CLMN: variants seen among roughly 807,000 people sequenced by gnomAD.
The protein encoded by CLMN is calmin.
Under a neutral mutation model 92.7 loss-of-function variants are expected in CLMN, and 57 were observed. That is an observed-to-expected ratio of 0.61 (90% confidence interval 0.50 to 0.77). CLMN has a LOEUF of 0.77. Ranked by LOEUF, CLMN falls within the 30% of genes least tolerant of loss-of-function variation. The pLI is 0.00. For missense variants in CLMN, 1,158 were observed against 1,237.5 expected (o/e 0.94, Z 0.96); for synonymous variants, 466 against 470.6 (o/e 0.99, Z 0.13).
intron 2 of CLMN, among the ~76,000 whole-genome samples, chr14:95,229,160 A>G (rs543089525): frequency 6.6e-6 from 1 of 152,216 alleles, no homozygotes; most frequent in African/African-American, 2.4e-5. Context: ...GAGAAAAATA[A>G]TCTCTCCTCT....
In CLMN at chr14:95,203,913, G is replaced by A. The variant is rs368240140; in HGVS notation, c.1436C>T (p.Ser479Leu). 5.6e-6 allele frequency: 9 copies of A among 1,613,704 alleles called. No individual in the cohort carries two copies. The highest frequency in any genetic ancestry group is 4.0e-5 in the African/African-American group (3 of 74,906). ...GTCAGAGGAGGATTCTGGAATCTTC[G>A]AGGATTCCTGTTTCTGTTCCTTTTC... Reference protein sequence around the residue: ...AEEKEQKQESSKIPESSSDKV... With the variant: ...AEEKEQKQESLKIPESSSDKV... Residue 479 changes from serine to leucine, a missense_variant, in exon 9 of 13, where the codon TCG (serine) becomes TTG (leucine). Physicochemically the swap from Ser to Leu is moderately radical, Grantham distance 145 (BLOSUM62 -2). Coordinates refer to ENST00000298912, the MANE Select transcript of CLMN (RefSeq NM_024734.4).
chr14:95,266,865 T>G (rs1899494355), intron 1 of CLMN, among the ~76,000 whole-genome samples: 1 of 151,970 alleles, frequency 6.6e-6, no homozygotes, highest in Admixed American at 6.6e-5. Context: ...TGAAACAGAA[T>G]AGAGAACCCA....
rs1463119840 is a variant in CLMN at position 95,294,480 on chromosome 14, T to C, written c.82+25231A>G. Among the ~76,000 whole-genome samples, 1 of 152,176 alleles carries C rather than the reference T, an allele frequency of 6.6e-6. No individual in the cohort carries two copies. The highest frequency in any genetic ancestry group is 2.4e-5 in the African/African-American group (1 of 41,440). On this transcript the variant is annotated intron_variant, in intron 1 of 12. Transcript: ENST00000298912. This position sits in a 1 kb window ranked among gnomAD's most constrained non-coding sequence, Gnocchi z 4.2. ...AAGAGGCATCCGCGGGGAAGGATCCTGTCCAACAGAAAGGCCCTGGAGACA... is the reference window on the plus strand; with the variant it reads ...AAGAGGCATCCGCGGGGAAGGATCCCGTCCAACAGAAAGGCCCTGGAGACA...
chr14:95,312,948 G>A (rs1332727008), intron 1 of CLMN, among the ~76,000 whole-genome samples: 2 of 152,206 alleles, frequency 1.3e-5, no homozygotes, highest in Non-Finnish European at 2.9e-5. Flanking sequence ...GCTCACACCT[G>A]TAATCCCAGT....
chr14:95,187,957 A>G lies in CLMN; in HGVS notation c.*3607T>C, dbSNP rs1430639665. ...GATGGGACACCATTTTTGAAACCAC[A>G]TGAGTACTCAGCATAGGCTAAAAGC... On this transcript the variant is annotated 3_prime_UTR_variant, in exon 13 of 13. Transcript: ENST00000298912. The G allele has an allele frequency of 1.3e-5, 2 of 152,238 alleles. No homozygotes were observed. Among genetic ancestry groups the G allele is most frequent in the African/African-American group, 4.8e-5 (2 of 41,466 alleles). 9.4% of individuals were successfully genotyped at this position (152,238 alleles called of 1,614,324 possible). A position where few individuals can be genotyped will look rare whatever the true frequency, so the allele number is the denominator to read the frequency against.
At chr14:95,266,668 T>C (rs1899486526) in intron 1 of CLMN, among the ~76,000 whole-genome samples, 1 of 152,194 alleles carries the variant, frequency 6.6e-6, no homozygotes, top group Non-Finnish European at 1.5e-5. Context: ...ACCAATGACT[T>C]TCTTCATGGA....
chr14:95,305,101 C>T (rs1022259624), intron 1 of CLMN, among the ~76,000 whole-genome samples: 4 of 152,230 alleles, frequency 2.6e-5, no homozygotes, highest in African/African-American at 9.6e-5. Flanking sequence ...AAAGGGTGCA[C>T]AGGTCCATCA....
At chr14:95,229,657 T>C (rs1306706385) in intron 2 of CLMN, among the ~76,000 whole-genome samples, 4 of 152,072 alleles carry the variant, frequency 2.6e-5, no homozygotes, top group South Asian at 4.1e-4. Flanking sequence ...ATTATTATTA[T>C]TAAATAGCAA....
intron 1 of CLMN, among the ~76,000 whole-genome samples, chr14:95,317,509 G>C (rs969407260): frequency 6.6e-6 from 1 of 152,112 alleles, no homozygotes; most frequent in Non-Finnish European, 1.5e-5. Context: ...ATCAAACAGC[G>C]GGGCATCCAT....
At chr14:95,192,234 C>A (rs533439931) in intron 12 of CLMN, 1 of 152,690 alleles carries the variant, frequency 6.5e-6, no homozygotes, top group South Asian at 2.1e-4. Context: ...CATTTTAAAT[C>A]ATCTATCAGA....
Position 95,186,806 on chromosome 14 carries a change from C to T in CLMN, c.*4758G>A, listed in dbSNP as rs1896451456. The T allele has an allele frequency of 6.6e-6, 1 of 152,312 alleles. No individual in the cohort carries two copies. The highest frequency in any genetic ancestry group is 6.5e-5 in the Admixed American group (1 of 15,286). The allele number at this position is 152,312 out of a possible 1,614,324, so 9.4% of individuals were successfully genotyped here. ...GAATTCCTGGCCTCAAGCGATCCTC[C>T]TGCCTTGGCCTCCCAAAGGGCTGGG... is the stretch of plus-strand genomic sequence containing the variant. On this transcript the variant is annotated 3_prime_UTR_variant, in exon 13 of 13. Transcript: ENST00000298912.
intron 1 of CLMN, among the ~76,000 whole-genome samples, chr14:95,287,261 C>A (rs1313070338): frequency 6.6e-6 from 1 of 152,228 alleles, no homozygotes; most frequent in African/African-American, 2.4e-5. Context: ...TGTGCACAAA[C>A]CCTCTGTCTG....
intron 12 of CLMN, chr14:95,192,570 G>A (rs1335493505): frequency 6.6e-6 from 1 of 152,152 alleles, no homozygotes; most frequent in East Asian, 1.9e-4. Context: ...CAGGAGCGAG[G>A]GGCAGGGTGG....
At chr14:95,212,316 C>T (rs1897221827) in intron 6 of CLMN, among the ~76,000 whole-genome samples, 1 of 152,322 alleles carries the variant, frequency 6.6e-6, no homozygotes, top group East Asian at 1.9e-4. Context: ...ACCAGGATCT[C>T]AACCAGTCTG....
intron 8 of CLMN, among the ~76,000 whole-genome samples, chr14:95,207,239 A>G (rs1897070937): frequency 6.6e-6 from 1 of 152,190 alleles, no homozygotes; most frequent in African/African-American, 2.4e-5. Flanking sequence ...AACAGTTAAA[A>G]TCTTCTCTTT....
chr14:95,319,137 A>G (rs1215163337), intron 1 of CLMN, among the ~76,000 whole-genome samples: 1 of 152,126 alleles, frequency 6.6e-6, no homozygotes, highest in Non-Finnish European at 1.5e-5. Context: ...CTGATCCTGC[A>G]GGGGAGGGGC....
At chr14:95,273,369 G>A (rs1422220348) in intron 1 of CLMN, among the ~76,000 whole-genome samples, 1 of 152,184 alleles carries the variant, frequency 6.6e-6, no homozygotes, top group Non-Finnish European at 1.5e-5. Flanking sequence ...GTCAAGAAGG[G>A]CTCCTCCCTA....
In CLMN at chr14:95,194,696, G is replaced by A. The variant is rs1473395685; in HGVS notation, c.2709-100C>T. ...CCTGGGGTTTCCACGTATGGGTTTA[G>A]GCAAGCGACAACTTCACAGCCAGGG... On this transcript the variant is annotated intron_variant, in intron 10 of 12. Coordinates refer to ENST00000298912, the MANE Select transcript of CLMN (RefSeq NM_024734.4). This position sits in a 1 kb window ranked among gnomAD's most constrained non-coding sequence, Gnocchi z 4.0. 1.9e-6 allele frequency: 2 copies of A among 1,054,304 alleles called. No individual in the cohort carries two copies. Among genetic ancestry groups the A allele is most frequent in the East Asian group, 2.4e-5 (1 of 41,278 alleles). The allele number at this position is 1,054,304 out of a possible 1,614,324, so 65.3% of individuals were successfully genotyped here.
At chr14:95,229,316 C>T (rs532966168) in intron 2 of CLMN, among the ~76,000 whole-genome samples, 1 of 152,270 alleles carries the variant, frequency 6.6e-6, no homozygotes, top group African/African-American at 2.4e-5. Context: ...TTCCTTTAGT[C>T]TGTTTCAAGT....
Sources: gnomAD v4.1 joint callset for allele counts (sites outside exome capture counted in the v4.1 genomes callset) on GRCh38, gnomAD v4.1.1 for gene constraint, Gnocchi (gnomAD v3.1) non-coding constraint, MANE v1.5 for transcripts, NCBI Gene and HGNC (gene_info 2026-07-23, HGNC 2026-07-21) for gene names.